Variants in ADAMTS17 observed in about 807,000 individuals in gnomAD.
ADAMTS17 encodes ADAM metallopeptidase with thrombospondin type 1 motif 17, also known as A disintegrin and metalloproteinase with thrombospondin motifs 17.
A neutral mutation model predicts 141.5 loss-of-function variants in ADAMTS17; 113 were observed. The ratio of observed to expected loss-of-function variants is 0.80; its 90% CI spans 0.69 to 0.93. ADAMTS17 has a LOEUF of 0.93. ADAMTS17 is among the 40% of genes least tolerant of loss of function. The pLI is 0.00. For synonymous variants in ADAMTS17, 768 were observed against 630.6 expected (o/e 1.22, Z -3.27); for missense variants, 1,659 against 1,517.9 (o/e 1.09, Z -1.54).
intron 1 of ADAMTS17, 55 bp from the exon 2 acceptor site, chr15:100,341,464 C>A (rs1294103892): frequency 9.9e-7 from 1 of 1,006,586 alleles, no homozygotes; most frequent in Non-Finnish European, 1.2e-6. Flanking sequence ...GACGCCCGCC[C>A]TCCCGCTGGC....
intron 13 of ADAMTS17, among the ~76,000 whole-genome samples, chr15:100,110,581 T>C (rs1006349628): frequency 2.0e-5 from 3 of 152,190 alleles, no homozygotes; most frequent in Non-Finnish European, 4.4e-5. Context: ...GTATATATTT[T>C]TGAACAAACA....
chr15:100,006,112 C>T (rs186987289), intron 18 of ADAMTS17, among the ~76,000 whole-genome samples: 152 of 152,300 alleles, frequency 1.0e-3, no homozygotes, highest in African/African-American at 3.5e-3. Flanking sequence ...ACATCTGCCA[C>T]GACCCTGTTT....
chr15:100,127,863 T>C (rs1295881711), intron 12 of ADAMTS17, among the ~76,000 whole-genome samples: 1 of 151,708 alleles, frequency 6.6e-6, no homozygotes, highest in African/African-American at 2.4e-5. Flanking sequence ...ATTACAGGCA[T>C]CAGCCACTGG....
Position 99,989,284 on chromosome 15 carries a change from C to T in ADAMTS17, c.2949+3764G>A, listed in dbSNP as rs748847729. On this transcript the variant is annotated intron_variant, in intron 20 of 21. Coordinates refer to ENST00000268070, the MANE Select transcript of ADAMTS17 (RefSeq NM_139057.4). ...AAAAAGGAAAGCAGTGCTAGGTGCC[C>T]CGACCCCAGATGGGCAGATGTGGCC... Among the ~76,000 whole-genome samples, 75 of 152,184 alleles carry T rather than the reference C, an allele frequency of 4.9e-4. 1 individual carries two copies. The highest frequency in any genetic ancestry group is 9.8e-4 in the Non-Finnish European group (67 of 68,028).
In ADAMTS17 at chr15:100,130,326, C is replaced by G. The variant is rs182652397; in HGVS notation, c.1721+1681G>C. 2.7e-5 allele frequency among the ~76,000 whole-genome samples: 4 copies of G among 150,678 alleles called. No individual in the cohort carries two copies. In the East Asian group the frequency reaches 7.7e-4, roughly 29 times the overall value. ...TTGCAGTGAGCCGAGACTGGGCCACCGCACTCCAGCCTGGGGGACAGAGTG... is the reference window on the plus strand; with the variant it reads ...TTGCAGTGAGCCGAGACTGGGCCACGGCACTCCAGCCTGGGGGACAGAGTG... On this transcript the variant is annotated intron_variant, in intron 12 of 21. Coordinates refer to ENST00000268070, the MANE Select transcript of ADAMTS17 (RefSeq NM_139057.4).
chr15:100,239,877 C>T (rs879923343), intron 7 of ADAMTS17, among the ~76,000 whole-genome samples: 53 of 152,144 alleles, frequency 3.5e-4, no homozygotes, highest in African/African-American at 1.0e-3. Flanking sequence ...GAAAGATGTG[C>T]GCCACGCCCC....
At chr15:100,122,910 T>A (rs1467074745) in intron 12 of ADAMTS17, among the ~76,000 whole-genome samples, 2 of 152,186 alleles carry the variant, frequency 1.3e-5, no homozygotes, top group Non-Finnish European at 2.9e-5. Context: ...CAAACCCATG[T>A]TGTTCAAGAG....
At chr15:100,110,705 C>G (rs373538273) in intron 13 of ADAMTS17, among the ~76,000 whole-genome samples, 3 of 152,146 alleles carry the variant, frequency 2.0e-5, no homozygotes, top group Non-Finnish European at 4.4e-5. Flanking sequence ...TTGCACAGGG[C>G]GAGAGTCAAA....
chr15:100,014,437 T>C (rs2061249223), intron 18 of ADAMTS17, among the ~76,000 whole-genome samples: 1 of 152,174 alleles, frequency 6.6e-6, no homozygotes, highest in African/African-American at 2.4e-5. Context: ...TCTAGTTCCT[T>C]GAGGTGTGAC....
intron 7 of ADAMTS17, among the ~76,000 whole-genome samples, chr15:100,211,139 T>TAAATAAATAAATAAATAAAA (rs1418716333): frequency 7.1e-6 from 1 of 141,314 alleles, no homozygotes; most frequent in Non-Finnish European, 1.5e-5. Context: ...AATAAATAAA[T>TAAATAAATAAATAAATAAAA]AAAAATACAA....
chr15:100,336,842 G>C (rs1173336081), intron 2 of ADAMTS17, among the ~76,000 whole-genome samples: 1 of 152,150 alleles, frequency 6.6e-6, no homozygotes, highest in Admixed American at 6.5e-5. Flanking sequence ...TACACGTGCA[G>C]GCTGCCCTCT....
At chr15:100,225,788 G>A (rs1377453220) in intron 7 of ADAMTS17, among the ~76,000 whole-genome samples, 3 of 145,950 alleles carry the variant, frequency 2.1e-5, no homozygotes, top group African/African-American at 7.8e-5. Flanking sequence ...CCTTACAGCA[G>A]TCACGGCCTC....
In ADAMTS17 at chr15:100,236,110, G is replaced by A. The variant is rs541456418; in HGVS notation, c.1075+18026C>T. On this transcript the variant is annotated intron_variant, in intron 7 of 21. Coordinates refer to ENST00000268070, the MANE Select transcript of ADAMTS17 (RefSeq NM_139057.4). ...TTACCATCTCTAATTTGGGTCAGAC[G>A]CCAGAGTCGCACAGACTCAGAGCAA... Among the ~76,000 whole-genome samples, 76 of 152,198 alleles carry A rather than the reference G, an allele frequency of 5.0e-4. 2 individuals carry two copies. Among genetic ancestry groups the A allele is most frequent in the African/African-American group, 1.8e-3 (74 of 41,520 alleles).
chr15:100,251,227 G>A (rs1004111454), intron 7 of ADAMTS17, among the ~76,000 whole-genome samples: 2 of 152,160 alleles, frequency 1.3e-5, no homozygotes, highest in African/African-American at 4.8e-5. Context: ...ACTCCACCCA[G>A]TCCCGACCAT....
chr15:100,045,091 G>C (rs1303981988), intron 18 of ADAMTS17, among the ~76,000 whole-genome samples: 2 of 152,086 alleles, frequency 1.3e-5, no homozygotes, highest in African/African-American at 4.8e-5. Flanking sequence ...ACAGGTATGA[G>C]CCACCATGCC....
At chr15:100,250,452 C>T (rs560410435) in intron 7 of ADAMTS17, among the ~76,000 whole-genome samples, 9 of 152,132 alleles carry the variant, frequency 5.9e-5, no homozygotes, top group East Asian at 1.9e-4. Context: ...TTCCATTCTG[C>T]GCAATCAAAA....
At chr15:100,110,098 G>A (rs1386811878) in intron 13 of ADAMTS17, among the ~76,000 whole-genome samples, 1 of 151,136 alleles carries the variant, frequency 6.6e-6, no homozygotes, top group Non-Finnish European at 1.5e-5. Flanking sequence ...CTCTTAGAGG[G>A]CAGGGGACTT....
chr15:100,303,343 T>C (rs2045110410), intron 3 of ADAMTS17, among the ~76,000 whole-genome samples: 1 of 151,502 alleles, frequency 6.6e-6, no homozygotes, highest in Non-Finnish European at 1.5e-5. Flanking sequence ...GAATTCTTTA[T>C]ATATTTTAAA....
At chr15:100,118,851 C>T (rs969262651) in intron 12 of ADAMTS17, among the ~76,000 whole-genome samples, 1 of 152,136 alleles carries the variant, frequency 6.6e-6, no homozygotes, top group East Asian at 1.9e-4. Context: ...CATGGCACAA[C>T]GTTTCAAGCT....
Sources: allele counts gnomAD v4.1 joint callset (sites outside exome capture counted in the v4.1 genomes callset), GRCh38; gene constraint gnomAD v4.1.1; transcripts MANE v1.5; gene names NCBI Gene and HGNC (gene_info 2026-07-23, HGNC 2026-07-21).